SORCS1: variants seen among roughly 807,000 people sequenced by gnomAD.
The protein encoded by SORCS1 is VPS10 domain-containing receptor SorCS1.
Under a neutral mutation model 146.1 loss-of-function variants are expected in SORCS1, and 60 were observed. The observed-to-expected ratio is 0.41, with a 90% CI of 0.33 to 0.51. The LOEUF (loss-of-function observed/expected upper bound fraction) is 0.51, where lower values mean the gene tolerates loss of function less well. Among genes scored for constraint, SORCS1 ranks in the 20% least tolerant of loss-of-function variants. The pLI, the probability that SORCS1 is intolerant of heterozygous loss-of-function variation, is 0.21. For missense variants in SORCS1, 1,352 were observed against 1,487.6 expected, an observed-to-expected ratio of 0.91 and a Z score of 1.50; for synonymous variants, 637 against 584.0, an observed-to-expected ratio of 1.09 and a Z score of -1.31.
intron 1 of SORCS1, among the ~76,000 whole-genome samples, chr10:106,983,196 A>G (rs1402957976): frequency 6.8e-5 from 10 of 147,636 alleles, no homozygotes; most frequent in Non-Finnish European, 1.3e-4. Context: ...CTCTATATAT[A>G]CATATTTCTA....
Position 107,055,367 on chromosome 10 carries a change from G to C in SORCS1, c.559-98787C>G, listed in dbSNP as rs139747347. On this transcript the variant is annotated intron_variant, in intron 1 of 25. Transcript: ENST00000263054. ...ATTGATGTAAAGGAATAGATAGTGAGTTTAAGTTATACAGGCAGGACTTAA... is the reference window on the plus strand; with the variant it reads ...ATTGATGTAAAGGAATAGATAGTGACTTTAAGTTATACAGGCAGGACTTAA... Among the ~76,000 whole-genome samples the C allele has an allele frequency of 7.8e-3, 1,192 of 152,336 alleles. 14 individuals are homozygous for C. Among genetic ancestry groups the C allele is most frequent in the African/African-American group, 0.027 (1,116 of 41,578 alleles).
chr10:106,959,399 TTTC>T (rs1248224273), intron 1 of SORCS1, among the ~76,000 whole-genome samples: 1 of 152,252 alleles, frequency 6.6e-6, no homozygotes, highest in Non-Finnish European at 1.5e-5. Context: ...GAGATTTCTT[TTTC>T]TTTTTTCCCT....
At chr10:106,835,397 ATTG>A (rs1224072953) in intron 2 of SORCS1, among the ~76,000 whole-genome samples, 1 of 152,138 alleles carries the variant, frequency 6.6e-6, no homozygotes, top group East Asian at 1.9e-4. Context: ...TTTTTTCTTG[ATTG>A]TTTTTGGTGT....
chr10:106,897,156 C>T (rs1193151509), intron 2 of SORCS1, among the ~76,000 whole-genome samples: 3 of 151,970 alleles, frequency 2.0e-5, no homozygotes, highest in Admixed American at 1.3e-4. Context: ...GCTGGGATTA[C>T]AGGCATGAGC....
At chr10:106,928,026 G>A (rs532423466) in intron 2 of SORCS1, among the ~76,000 whole-genome samples, 3 of 152,362 alleles carry the variant, frequency 2.0e-5, no homozygotes, top group East Asian at 3.9e-4. Flanking sequence ...CCAGACTCAG[G>A]AGCCCAGCTG....
intron 21 of SORCS1, among the ~76,000 whole-genome samples, chr10:106,612,631 C>T (rs766075924): frequency 6.6e-6 from 1 of 151,868 alleles, no homozygotes; most frequent in Non-Finnish European, 1.5e-5. Flanking sequence ...AGGGCAAGGG[C>T]AAGAACAGGG....
At chr10:107,079,465 A>G (rs1399348877) in intron 1 of SORCS1, among the ~76,000 whole-genome samples, 1 of 152,178 alleles carries the variant, frequency 6.6e-6, no homozygotes, top group East Asian at 1.9e-4. Context: ...CCCTGATCTC[A>G]GTACTGATTC....
chr10:106,836,063 T>C (rs950102312), intron 2 of SORCS1, among the ~76,000 whole-genome samples: 4 of 151,632 alleles, frequency 2.6e-5, no homozygotes, highest in African/African-American at 9.7e-5. Flanking sequence ...TTTGAGTACA[T>C]ACAATGTTAT....
At position 107,051,257 on chromosome 10, in the gene SORCS1, A is replaced by G. The variant is rs546034265; in HGVS notation, c.559-94677T>C. Among the ~76,000 whole-genome samples the G allele has an allele frequency of 8.5e-5, 13 of 152,312 alleles. No homozygotes were observed. The East Asian group carries it at 2.1e-3, about 25-fold the overall frequency. ...AAGAAAACAAGGCAGTGGGATAGAG[A>G]GTGCCTAAAGTTGATGTAATACTTC... On this transcript the variant is annotated intron_variant, in intron 1 of 25. Transcript: ENST00000263054.
chr10:107,029,879 T>C (rs1194482695), intron 1 of SORCS1, among the ~76,000 whole-genome samples: 1 of 152,150 alleles, frequency 6.6e-6, no homozygotes. Flanking sequence ...AGCCACATTC[T>C]AGGTAGAGGG....
intron 1 of SORCS1, among the ~76,000 whole-genome samples, chr10:107,042,500 T>A (rs1308496563): frequency 3.3e-5 from 5 of 152,200 alleles, no homozygotes; most frequent in Admixed American, 2.6e-4. Context: ...TACTTCCACA[T>A]GAATGTGTTG....
chr10:107,056,575 TATC>T (rs1477486660), intron 1 of SORCS1, among the ~76,000 whole-genome samples: 1 of 152,220 alleles, frequency 6.6e-6, no homozygotes, highest in Non-Finnish European at 1.5e-5. Flanking sequence ...AACTATCTCT[TATC>T]ATATAATTAG....
Position 106,985,514 on chromosome 10 carries a change from T to C in SORCS1, c.559-28934A>G, listed in dbSNP as rs566561147. Among the ~76,000 whole-genome samples, 395 of 151,984 alleles carry C rather than the reference T, an allele frequency of 2.6e-3. 1 individual carries two copies. The highest frequency in any genetic ancestry group is 4.5e-3 in the Non-Finnish European group (308 of 67,968). ...TGTTCAAGACAACACGTGAAGTCTA[T>C]TCATGTACTATTATTTCACTTAAGC... On this transcript the variant is annotated intron_variant, in intron 1 of 25. Coordinates refer to ENST00000263054, the MANE Select transcript of SORCS1 (RefSeq NM_052918.5).
intron 3 of SORCS1, among the ~76,000 whole-genome samples, chr10:106,779,582 G>A (rs944750157): frequency 1.0e-3 from 135 of 132,528 alleles, no homozygotes; most frequent in African/African-American, 3.2e-3. Context: ...CAAGAGTATC[G>A]CTCTGTTGCC....
intron 6 of SORCS1, among the ~76,000 whole-genome samples, chr10:106,718,325 G>A (rs569012857): frequency 7.9e-5 from 12 of 152,274 alleles, no homozygotes; most frequent in Middle Eastern, 6.8e-3. Flanking sequence ...TTCTGTGTCC[G>A]CAATTGGTTC....
intron 2 of SORCS1, among the ~76,000 whole-genome samples, chr10:106,938,873 A>G (rs1279874159): frequency 6.6e-6 from 1 of 152,194 alleles, no homozygotes; most frequent in Non-Finnish European, 1.5e-5. Flanking sequence ...CTGACTGCTA[A>G]GGTTATTGTA....
intron 17 of SORCS1, among the ~76,000 whole-genome samples, chr10:106,652,951 G>T (rs755640620): frequency 6.6e-6 from 1 of 152,046 alleles, no homozygotes; most frequent in African/African-American, 2.4e-5. Flanking sequence ...AATAAATATC[G>T]CAAAGGAATT....
intron 6 of SORCS1, among the ~76,000 whole-genome samples, chr10:106,713,546 A>T (rs1170791267): frequency 1.3e-5 from 2 of 152,224 alleles, no homozygotes; most frequent in Non-Finnish European, 2.9e-5. Context: ...ATTTAGGGAG[A>T]AAACAAAGAT....
intron 3 of SORCS1, among the ~76,000 whole-genome samples, chr10:106,811,628 C>T (rs530924741): frequency 6.6e-6 from 1 of 152,268 alleles, no homozygotes; most frequent in Admixed American, 6.5e-5. Context: ...CCTTGAAAGG[C>T]AACTGGGCAT....
Sources: allele counts gnomAD v4.1 joint callset (sites outside exome capture counted in the v4.1 genomes callset), GRCh38; gene constraint gnomAD v4.1.1; transcripts MANE v1.5; gene names NCBI Gene and HGNC (gene_info 2026-07-23, HGNC 2026-07-21).